ZBTB16: variants seen among roughly 807,000 people sequenced by gnomAD.
ZBTB16 encodes the protein zinc finger and BTB domain-containing protein 16.
Under a neutral mutation model 56.8 loss-of-function variants are expected in ZBTB16, and 8 were observed. The ratio of observed to expected loss-of-function variants is 0.14; its 90% confidence interval spans 0.08 to 0.25. The LOEUF (loss-of-function observed/expected upper bound fraction) is 0.25. Ranked by LOEUF, ZBTB16 falls within the 10% of genes least tolerant of loss-of-function variation. The pLI, the probability that ZBTB16 is intolerant of heterozygous loss-of-function variation, is 1.00. For missense variants in ZBTB16, 625 were observed against 903.0 expected, an observed-to-expected ratio of 0.69 and a Z score of 3.95; for synonymous variants, 363 against 368.5, an observed-to-expected ratio of 0.98 and a Z score of 0.17.
intron 4 of ZBTB16, among the ~76,000 whole-genome samples, chr11:114,239,481 G>T (rs900022986): frequency 1.3e-5 from 2 of 152,154 alleles, no homozygotes; most frequent in East Asian, 3.9e-4. Context: ...GGCACAGAAC[G>T]CATTGCAGAT....
At chr11:114,098,688 A>G (rs1940504306) in intron 2 of ZBTB16, among the ~76,000 whole-genome samples, 1 of 152,282 alleles carries the variant, frequency 6.6e-6, no homozygotes, top group African/African-American at 2.4e-5. Flanking sequence ...CCAATATAAC[A>G]TACTTAATGG....
chr11:114,200,522 A>G (rs2135101803), intron 4 of ZBTB16, among the ~76,000 whole-genome samples: 1 of 152,316 alleles, frequency 6.6e-6, no homozygotes, highest in South Asian at 2.1e-4. Context: ...CACTGTCTGC[A>G]TCACTGATGA....
Position 114,063,901 on chromosome 11 carries a change from G to A in ZBTB16, c.601G>A (p.Ala201Thr), listed in dbSNP as rs111515613. 5.0e-6 allele frequency: 8 copies of A among 1,614,020 alleles called. 1 individual carries two copies. Among genetic ancestry groups the A allele is most frequent in the African/African-American group, 1.3e-5 (1 of 75,056 alleles). Residue 201 changes from alanine to threonine, a missense_variant, in exon 2 of 7, where the codon GCT becomes ACT. Ala to Thr is a moderately conservative substitution (Grantham distance 58, BLOSUM62 0). Around this residue, in one of 6 missense-constraint regions of ZBTB16, gnomAD observed 384 missense variants for 393.5 expected, o/e 0.98. Coordinates refer to ENST00000335953, the MANE Select transcript of ZBTB16 (RefSeq NM_006006.6). This position sits in a 1 kb window ranked among gnomAD's most constrained non-coding sequence, Gnocchi z 6.5. ...TCTTTCAGCCATGAGTCCCACCAAGGCTGCAGTGGACAGTTTGATGACCAT... is the reference window on the plus strand; with the variant it reads ...TCTTTCAGCCATGAGTCCCACCAAGACTGCAGTGGACAGTTTGATGACCAT... ...FGLSAMSPTK[A>T]AVDSLMTIGQ...
intron 2 of ZBTB16, among the ~76,000 whole-genome samples, chr11:114,131,244 T>G (rs1225502514): frequency 6.6e-6 from 1 of 152,196 alleles, no homozygotes; most frequent in Non-Finnish European, 1.5e-5. Context: ...TGGGGCTGTT[T>G]CTGAATTTCC....
At position 114,159,080 on chromosome 11, in the gene ZBTB16, G is replaced by A. The variant is rs563509754; in HGVS notation, c.1366+2646G>A. On this transcript the variant is annotated intron_variant, in intron 3 of 6. Transcript: ENST00000335953. ...AGCAGCATTGGTGGGGCTGGTGGAA[G>A]CGGCTGCAGAAAAGAAAGGGTTGCT... 3.6e-3 allele frequency among the ~76,000 whole-genome samples: 543 copies of A among 152,348 alleles called. 3 individuals carry two copies. The highest frequency in any genetic ancestry group is 6.1e-3 in the Non-Finnish European group (413 of 68,030).
chr11:114,209,174 CAA>C (rs1943948488), intron 4 of ZBTB16, among the ~76,000 whole-genome samples: 3 of 152,152 alleles, frequency 2.0e-5, no homozygotes, highest in Non-Finnish European at 4.4e-5. Flanking sequence ...GTGGATAACC[CAA>C]CTCTGGTGGG....
intron 2 of ZBTB16, among the ~76,000 whole-genome samples, chr11:114,124,557 C>CA (rs1381254014): frequency 8.6e-3 from 350 of 40,756 alleles, no homozygotes; most frequent in African/African-American, 0.011. Context: ...AAAAAAAAAC[C>CA]AAAAAAAAAA....
chr11:114,190,730 T>TACAC lies in ZBTB16; in HGVS notation c.1453+3718_1453+3721dup, dbSNP rs746167648. Among the ~76,000 whole-genome samples the TACAC allele has an allele frequency of 5.5e-3, 786 of 143,586 alleles. 2 individuals carry two copies. The highest frequency in any genetic ancestry group is 6.8e-3 in the African/African-American group (275 of 40,272). 94.2% of individuals were successfully genotyped at this position (143,586 alleles called of 152,430 possible). ...CATCACTCATGCCACCTCTCTCTCA[T>TACAC]ACACACACACACACACACACACACA... On this transcript the variant is annotated intron_variant, in intron 4 of 6. Coordinates refer to ENST00000335953, the MANE Select transcript of ZBTB16 (RefSeq NM_006006.6).
intron 4 of ZBTB16, among the ~76,000 whole-genome samples, chr11:114,204,575 G>A (rs538849094): frequency 3.1e-4 from 47 of 152,172 alleles, no homozygotes; most frequent in Admixed American, 3.3e-4. Context: ...ACACCCATTC[G>A]TTTTTTTCTC....
intron 2 of ZBTB16, among the ~76,000 whole-genome samples, chr11:114,128,817 T>A (rs907266744): frequency 6.6e-6 from 1 of 152,156 alleles, no homozygotes; most frequent in African/African-American, 2.4e-5. Flanking sequence ...CTGCCCCTGA[T>A]GTGCTATTTA....
At chr11:114,229,120 T>A (rs1179174575) in intron 4 of ZBTB16, among the ~76,000 whole-genome samples, 1 of 152,238 alleles carries the variant, frequency 6.6e-6, no homozygotes, top group Non-Finnish European at 1.5e-5. Flanking sequence ...GAATTTGCTG[T>A]GTCTCATTCT....
rs1439592189 is a variant in ZBTB16, at chr11:114,063,785, C to G, written c.485C>G (p.Ser162Cys). The G allele has an allele frequency of 3.1e-6, 5 of 1,614,152 alleles. No homozygotes were observed. Among genetic ancestry groups the G allele is most frequent in the Non-Finnish European group, 3.4e-6 (4 of 1,180,036 alleles). ...YLKNIFISKH[S>C]SEESGYASVA... ...AAGAACATCTTCATCTCGAAGCATT[C>G]CAGCGAGGAGAGTGGGTATGCCAGT... is the stretch of plus-strand genomic sequence containing the variant. Residue 162 changes from serine to cysteine, a missense_variant, in exon 2 of 7, where the codon TCC (serine) becomes TGC (cysteine). Transcript: ENST00000335953. The surrounding 1 kb of genome is among the most constrained non-coding windows in gnomAD (Gnocchi z 6.5).
At chr11:114,195,304 A>G (rs1943579396) in intron 4 of ZBTB16, among the ~76,000 whole-genome samples, 1 of 151,952 alleles carries the variant, frequency 6.6e-6, no homozygotes, top group Non-Finnish European at 1.5e-5. Flanking sequence ...GGAACCTTCA[A>G]CTCTTTCAGT....
chr11:114,190,825 C>A (rs1284249002), intron 4 of ZBTB16, among the ~76,000 whole-genome samples: 1 of 152,004 alleles, frequency 6.6e-6, no homozygotes, highest in Non-Finnish European at 1.5e-5. Context: ...TTAAGCCGTT[C>A]TTGCATTGCT....
At chr11:114,230,635 G>GA (rs1364935127) in intron 4 of ZBTB16, among the ~76,000 whole-genome samples, 2 of 132,588 alleles carry the variant, frequency 1.5e-5, no homozygotes, top group East Asian at 2.4e-4. Flanking sequence ...CTTCTGTGGG[G>GA]GGGGGGCGGG....
At chr11:114,172,964 T>C (rs1943009337) in intron 3 of ZBTB16, among the ~76,000 whole-genome samples, 1 of 152,190 alleles carries the variant, frequency 6.6e-6, no homozygotes, top group South Asian at 2.1e-4. Flanking sequence ...ATCTTAAGGC[T>C]GCTGAATTTT....
At chr11:114,132,973 A>C (rs117286555) in intron 2 of ZBTB16, among the ~76,000 whole-genome samples, 2,303 of 152,276 alleles carry the variant, frequency 0.015, 33 homozygotes, top group Non-Finnish European at 0.026. Context: ...ACTGCAGTAC[A>C]AAGTTAGAAA....
intron 4 of ZBTB16, 128 bp downstream of exon 4, chr11:114,187,166 G>A: frequency 1.1e-6 from 1 of 893,430 alleles, no homozygotes. Context: ...CGAGCTGTGA[G>A]TAGGATGGGC....
chr11:114,138,760 G>T (rs143949156), intron 2 of ZBTB16, among the ~76,000 whole-genome samples: 2 of 151,634 alleles, frequency 1.3e-5, no homozygotes, highest in Admixed American at 6.6e-5. Flanking sequence ...GTGCGATCTC[G>T]GATCACTGCA....
Sources: allele counts gnomAD v4.1 joint callset (sites outside exome capture counted in the v4.1 genomes callset), GRCh38; gene constraint gnomAD v4.1.1; regional missense constraint gnomAD v4.1.1; non-coding constraint Gnocchi (gnomAD v3.1); transcripts MANE v1.5; gene names NCBI Gene and HGNC (gene_info 2026-07-23, HGNC 2026-07-21).